Variants in PDE1C observed in about 807,000 individuals in gnomAD.
The protein encoded by PDE1C is phosphodiesterase 1C, also known as dual specificity calcium/calmodulin-dependent 3',5'-cyclic nucleotide phosphodiesterase 1C.
A neutral mutation model predicts 93.1 loss-of-function variants in PDE1C; 62 were observed. That is an observed-to-expected ratio of 0.67 (90% CI 0.54 to 0.82). The LOEUF (loss-of-function observed/expected upper bound fraction) is 0.82. PDE1C is among the 40% of genes least tolerant of loss of function. The pLI is 0.00. For missense variants in PDE1C, 742 were observed against 884.6 expected (o/e 0.84, Z 2.04); for synonymous variants, 325 against 310.1 (o/e 1.05, Z -0.50).
intron 1 of PDE1C, among the ~76,000 whole-genome samples, chr7:32,330,831 A>T (rs1255036804): frequency 6.6e-6 from 1 of 152,232 alleles, no homozygotes; most frequent in Non-Finnish European, 1.5e-5. Context: ...GACAGAAGTT[A>T]AGGCCAGAGA....
At chr7:31,872,631 G>A (rs767772037) in intron 6 of PDE1C, among the ~76,000 whole-genome samples, 88 of 152,188 alleles carry the variant, frequency 5.8e-4, no homozygotes, top group Non-Finnish European at 9.0e-4. Flanking sequence ...TTTTCCAGAG[G>A]CTCATCCCTT....
chr7:32,027,607 T>TAAAAAAAAAA lies in PDE1C; in HGVS notation c.128+23937_128+23946dup, dbSNP rs551660766. On this transcript the variant is annotated intron_variant, in intron 2 of 17. Coordinates refer to ENST00000396191, the MANE Select transcript of PDE1C (RefSeq NM_001191057.4). The stretch of plus-strand genomic sequence containing the variant: ...AAAAAAAAAAAACTATCAAAAATGG[T>TAAAAAAAAAA]AAAAAAAAAAAAAAAAAAAAAAAAA... Among the ~76,000 whole-genome samples the TAAAAAAAAAA allele has an allele frequency of 6.9e-4, 54 of 78,478 alleles. 1 individual carries two copies. Among genetic ancestry groups the TAAAAAAAAAA allele is most frequent in the East Asian group, 2.8e-3 (6 of 2,174 alleles). The allele number at this position is 78,478 out of a possible 152,430, so 51.5% of individuals were successfully genotyped here.
intron 2 of PDE1C, among the ~76,000 whole-genome samples, chr7:31,971,827 A>T (rs1009511183): frequency 4.6e-5 from 7 of 152,234 alleles, no homozygotes; most frequent in Admixed American, 4.6e-4. Flanking sequence ...AGCTTCCAAC[A>T]GGAGATCCCT....
chr7:32,356,094 A>G (rs1784024696), intron 1 of PDE1C, among the ~76,000 whole-genome samples: 1 of 152,236 alleles, frequency 6.6e-6, no homozygotes. Flanking sequence ...AAACACTTTT[A>G]GATGGAAAAT....
At chr7:31,672,735 CA>C in the PDE1C span, among the ~76,000 whole-genome samples, 1 of 152,174 alleles carries the variant, frequency 6.6e-6, no homozygotes, top group African/African-American at 2.4e-5. Flanking sequence ...TCCTCTTTGT[CA>C]GAGACTCAAG....
intron 2 of PDE1C, among the ~76,000 whole-genome samples, chr7:31,893,911 A>C: frequency 6.6e-6 from 1 of 152,190 alleles, no homozygotes; most frequent in East Asian, 1.9e-4. Flanking sequence ...TTCCTCGCTT[A>C]GCATTTCTAA....
At chr7:32,079,305 C>T (rs1796527216) in intron 3 of PDE1C, among the ~76,000 whole-genome samples, 1 of 152,082 alleles carries the variant, frequency 6.6e-6, no homozygotes, top group Non-Finnish European at 1.5e-5. Context: ...AAAACAGATA[C>T]TAAACAGATT....
upstream of PDE1C, among the ~76,000 whole-genome samples, chr7:32,074,626 G>A (rs542206255): frequency 5.3e-5 from 8 of 152,254 alleles, no homozygotes; most frequent in East Asian, 7.7e-4. Flanking sequence ...GAGAAGGTAC[G>A]GAAAGGAGCA....
chr7:31,993,500 A>G (rs530999951), intron 2 of PDE1C, among the ~76,000 whole-genome samples: 10 of 152,312 alleles, frequency 6.6e-5, no homozygotes, highest in East Asian at 1.9e-4. Flanking sequence ...TAAGTGATCA[A>G]TTAGAAAGCA....
At chr7:32,174,849 G>C (rs190992480) in intron 2 of PDE1C, among the ~76,000 whole-genome samples, 1 of 151,998 alleles carries the variant, frequency 6.6e-6, no homozygotes, top group Non-Finnish European at 1.5e-5. Flanking sequence ...GAATCCATAG[G>C]GTGCCATGCA....
chr7:32,282,485 A>ATAGATAGATAGATAGATAG (rs1554300216), intron 1 of PDE1C, among the ~76,000 whole-genome samples: 1 of 143,858 alleles, frequency 7.0e-6, no homozygotes, highest in African/African-American at 2.6e-5. Flanking sequence ...TCAAAAAAAA[A>ATAGATAGATAGATAGATAG]ATAGATAGAT....
At chr7:32,128,906 AATATATATATATAT>A (rs763801947) in intron 3 of PDE1C, among the ~76,000 whole-genome samples, 2,342 of 55,958 alleles carry the variant, frequency 0.042, 118 homozygotes, top group South Asian at 0.069. Context: ...AAGTATAACA[AATATATATATATAT>A]ATATATATAT....
At chr7:31,679,177 A>C in the PDE1C span, among the ~76,000 whole-genome samples, 1 of 152,198 alleles carries the variant, frequency 6.6e-6, no homozygotes, top group Non-Finnish European at 1.5e-5. Flanking sequence ...CAGAGCTGCC[A>C]CTTCCAGGCC....
chr7:31,972,470 A>G (rs1273989106), intron 2 of PDE1C, among the ~76,000 whole-genome samples: 1 of 152,134 alleles, frequency 6.6e-6, no homozygotes, highest in East Asian at 1.9e-4. Context: ...CAAGAGCCAA[A>G]ATGTAAAATT....
At chr7:31,638,843 C>T in the PDE1C span, among the ~76,000 whole-genome samples, 11 of 152,274 alleles carry the variant, frequency 7.2e-5, no homozygotes, top group African/African-American at 2.6e-4. Flanking sequence ...GTGACCCAAT[C>T]TCAGCTTACT....
chr7:31,923,425 C>A (rs1802897999), intron 2 of PDE1C, among the ~76,000 whole-genome samples: 1 of 152,046 alleles, frequency 6.6e-6, no homozygotes, highest in Non-Finnish European at 1.5e-5. Context: ...TTAAAAGCTC[C>A]CCAGGTGAGT....
At chr7:31,768,440 T>C (rs910659156) in intron 17 of PDE1C, among the ~76,000 whole-genome samples, 2 of 152,166 alleles carry the variant, frequency 1.3e-5, no homozygotes. Flanking sequence ...CGCTGCAACA[T>C]TGGGGATTGG....
the PDE1C span, among the ~76,000 whole-genome samples, chr7:31,639,630 G>A: frequency 2.0e-5 from 3 of 148,294 alleles, no homozygotes; most frequent in Admixed American, 6.8e-5. Flanking sequence ...TCTGCCTCCC[G>A]GGTTCATGCC....
intron 2 of PDE1C, among the ~76,000 whole-genome samples, chr7:31,893,186 C>T (rs1017207895): frequency 1.3e-5 from 2 of 152,092 alleles, no homozygotes; most frequent in Non-Finnish European, 2.9e-5. Flanking sequence ...ACACAGGTCA[C>T]GGAGACGGTG....
Sources: gnomAD v4.1 joint callset for allele counts (sites outside exome capture counted in the v4.1 genomes callset) on GRCh38, gnomAD v4.1.1 for gene constraint, MANE v1.5 for transcripts, NCBI Gene and HGNC (gene_info 2026-07-23, HGNC 2026-07-21) for gene names.